Variants in GLT1D1 observed in about 807,000 individuals in gnomAD.
GLT1D1 encodes the protein glycosyltransferase 1 domain-containing protein 1.
GLT1D1 carries 21 observed loss-of-function variants against 28.7 expected under a neutral mutation model. The observed-to-expected ratio is 0.73, with a 90% CI of 0.52 to 1.05. The LOEUF (loss-of-function observed/expected upper bound fraction) is 1.05, where lower values mean the gene tolerates loss of function less well. Ranked by LOEUF, GLT1D1 falls within the 50% of genes least tolerant of loss-of-function variation. The probability of loss-of-function intolerance (pLI) is 0.00; values close to 1 mark genes in which losing one functional copy is unlikely to be tolerated. For synonymous variants in GLT1D1, 147 were observed against 124.8 expected, an observed-to-expected ratio of 1.18 and a Z score of -1.19; for missense variants, 343 against 330.6, an observed-to-expected ratio of 1.04 and a Z score of -0.29.
At chr12:128,955,659 G>C (rs757128288) in intron 6 of GLT1D1, among the ~76,000 whole-genome samples, 2 of 152,072 alleles carry the variant, frequency 1.3e-5, no homozygotes, top group Non-Finnish European at 2.9e-5. Flanking sequence ...AGTTGTCCTT[G>C]AGAACATACT....
In GLT1D1 at chr12:128,944,373, C is replaced by T. The variant is rs138287261; in HGVS notation, c.376-953C>T. 4.4e-5 allele frequency: 43 copies of T among 979,512 alleles called. No homozygotes were observed. In the African/African-American group the frequency reaches 5.2e-4, roughly 12 times the overall value. 60.7% of individuals were successfully genotyped at this position (979,512 alleles called of 1,614,324 possible). ...TGGTTTCTGTTCTGGAGAATGTTTC[C>T]AACACCGCTTTTTTTCTGGTAATAG... is the stretch of plus-strand genomic sequence containing the variant. On this transcript the variant is annotated intron_variant, in intron 4 of 7. Transcript: ENST00000281703.
In GLT1D1 at chr12:128,899,229, T is replaced by G. The variant is rs1869968501; in HGVS notation, c.324-7T>G. ...AATTGTTTCTATTATTTTTGTTCAT[T>G]TACTAGATTTGCTGTCGCTTTCACA... On this transcript the variant is annotated splice_region_variant and splice_polypyrimidine_tract_variant and intron_variant, in intron 3 of 7. Coordinates refer to ENST00000281703, the MANE Select transcript of GLT1D1 (RefSeq NM_144669.3). 2 of 1,608,836 alleles carry G rather than the reference T, an allele frequency of 1.2e-6. No homozygotes were observed. The highest frequency in any genetic ancestry group is 2.7e-5 in the African/African-American group (2 of 74,828).
At chr12:128,858,342 G>A (rs1427570211) in intron 1 of GLT1D1, among the ~76,000 whole-genome samples, 2 of 152,142 alleles carry the variant, frequency 1.3e-5, no homozygotes, top group Non-Finnish European at 2.9e-5. Flanking sequence ...AAATGGCCCT[G>A]CAGAGCCATC....
intron 1 of GLT1D1, among the ~76,000 whole-genome samples, chr12:128,867,140 T>A (rs1956552442): frequency 6.7e-6 from 1 of 148,966 alleles, no homozygotes. Flanking sequence ...ACGCCTGTAA[T>A]CCCAGCACTT....
chr12:128,907,406 C>T lies in GLT1D1; in HGVS notation c.375+8119C>T, dbSNP rs1160072276. 3.3e-5 allele frequency among the ~76,000 whole-genome samples: 5 copies of T among 151,580 alleles called. No individual in the cohort carries two copies. The South Asian group carries it at 1.0e-3, about 32-fold the overall frequency. On this transcript the variant is annotated intron_variant, in intron 4 of 7. Coordinates refer to ENST00000281703, the MANE Select transcript of GLT1D1 (RefSeq NM_144669.3). Reference sequence around the variant, plus strand: ...CTGCAAGCTCTGCCTCCCGGGTTCACGCCATTCTCCTGCCTCAGCCTCCCG... The same window carrying T: ...CTGCAAGCTCTGCCTCCCGGGTTCATGCCATTCTCCTGCCTCAGCCTCCCG...
intron 7 of GLT1D1, among the ~76,000 whole-genome samples, chr12:128,978,902 T>A (rs113582229): frequency 0.017 from 2,608 of 152,118 alleles, 83 homozygotes; most frequent in African/African-American, 0.06. Context: ...CTGGCGGGAG[T>A]GTAGCAGTGA....
Position 128,977,776 on chromosome 12 carries a change from TTTC to T in GLT1D1, c.640-5150_640-5148del, listed in dbSNP as rs1302600530. Among the ~76,000 whole-genome samples the T allele has an allele frequency of 6.9e-3, 142 of 20,522 alleles. 1 individual carries two copies. The highest frequency in any genetic ancestry group is 0.015 in the African/African-American group (96 of 6,304). 13.5% of individuals were successfully genotyped at this position (20,522 alleles called of 152,430 possible). On this transcript the variant is annotated intron_variant, in intron 7 of 7. Coordinates refer to ENST00000281703, the MANE Select transcript of GLT1D1 (RefSeq NM_144669.3). ...TTGTGAGTTCTTTTCTTTTTTCTTTTTTCTTTTTTTTTTTTTTTTGAAACAGAG... is the reference window on the plus strand; with the variant it reads ...TTGTGAGTTCTTTTCTTTTTTCTTTTTTTTTTTTTTTTTTTTGAAACAGAG...
chr12:128,907,418 G>T (rs1394476364), intron 4 of GLT1D1, among the ~76,000 whole-genome samples: 3 of 150,566 alleles, frequency 2.0e-5, no homozygotes, highest in Non-Finnish European at 4.4e-5. Flanking sequence ...CCATTCTCCT[G>T]CCTCAGCCTC....
chr12:128,980,088 T>C (rs1287648117), intron 7 of GLT1D1, among the ~76,000 whole-genome samples: 1 of 152,216 alleles, frequency 6.6e-6, no homozygotes, highest in African/African-American at 2.4e-5. Flanking sequence ...CCTGGCAACA[T>C]AGGGTGTCCC....
At chr12:128,864,379 C>T (rs183259559) in intron 1 of GLT1D1, among the ~76,000 whole-genome samples, 17 of 151,904 alleles carry the variant, frequency 1.1e-4, no homozygotes, top group East Asian at 1.9e-4. Context: ...TTAGGGAAGC[C>T]GAAGAAGAGG....
intron 1 of GLT1D1, among the ~76,000 whole-genome samples, chr12:128,859,440 G>T (rs1161964516): frequency 6.6e-6 from 1 of 152,138 alleles, no homozygotes; most frequent in Non-Finnish European, 1.5e-5. Context: ...TTGCCCCCAG[G>T]GCCGTTGGGC....
Position 128,918,150 on chromosome 12 carries a change from C to A in GLT1D1, c.375+18863C>A, listed in dbSNP as rs111975812. 3.8e-3 allele frequency among the ~76,000 whole-genome samples: 581 copies of A among 152,256 alleles called. 6 individuals are homozygous for A. The highest frequency in any genetic ancestry group is 0.013 in the African/African-American group (541 of 41,532). Reference sequence around the variant, plus strand: ...GCCATAAAAACGAACAAGATCATGTCCTTTGCAGGAACATGGATGAAGCTG... The same window carrying A: ...GCCATAAAAACGAACAAGATCATGTACTTTGCAGGAACATGGATGAAGCTG... On this transcript the variant is annotated intron_variant, in intron 4 of 7. Coordinates refer to ENST00000281703, the MANE Select transcript of GLT1D1 (RefSeq NM_144669.3).
At chr12:128,855,548 A>G (rs1195526410) in intron 1 of GLT1D1, among the ~76,000 whole-genome samples, 1 of 152,126 alleles carries the variant, frequency 6.6e-6, no homozygotes, top group Admixed American at 6.5e-5. Flanking sequence ...CCTGGGTGGC[A>G]GATCAAAACT....
rs11060024 is a variant in GLT1D1, at chr12:128,928,612, G to T, written c.376-16714G>T. On this transcript the variant is annotated intron_variant, in intron 4 of 7. Transcript: ENST00000281703. ...CCAGTGACAGCTCCGCGTGTTTGTGGTTTTTTTTTTTCTTTCTTTCTTTTT... is the reference window on the plus strand; with the variant it reads ...CCAGTGACAGCTCCGCGTGTTTGTGTTTTTTTTTTTTCTTTCTTTCTTTTT... Among the ~76,000 whole-genome samples the T allele has an allele frequency of 4.4e-4, 64 of 143,950 alleles. 1 individual carries two copies. The highest frequency in any genetic ancestry group is 5.6e-4 in the Admixed American group (8 of 14,384). The allele number at this position is 143,950 out of a possible 152,430, so 94.4% of individuals were successfully genotyped here. A position where few individuals can be genotyped will look rare whatever the true frequency, so the allele number is the denominator to read the frequency against.
chr12:128,898,734 A>T (rs1039723862), intron 3 of GLT1D1, among the ~76,000 whole-genome samples: 3 of 152,208 alleles, frequency 2.0e-5, no homozygotes, highest in Admixed American at 2.0e-4. Flanking sequence ...TAATAAATAG[A>T]TTACCTTGTT....
chr12:128,920,744 T>C (rs567596042), intron 4 of GLT1D1, among the ~76,000 whole-genome samples: 1 of 152,288 alleles, frequency 6.6e-6, no homozygotes, highest in African/African-American at 2.4e-5. Context: ...ACAACACATT[T>C]TGTTTTGAAG....
chr12:128,855,383 G>A (rs747482665), intron 1 of GLT1D1, among the ~76,000 whole-genome samples: 53 of 151,504 alleles, frequency 3.5e-4, no homozygotes, highest in Non-Finnish European at 7.1e-4. Flanking sequence ...GCAACATGGT[G>A]AAACCCTCAT....
chr12:128,933,651 G>A (rs1020634062), intron 4 of GLT1D1, among the ~76,000 whole-genome samples: 5 of 152,154 alleles, frequency 3.3e-5, no homozygotes, highest in Non-Finnish European at 7.4e-5. Flanking sequence ...TCCTTGGGGT[G>A]AAATTCTCTC....
chr12:128,864,729 G>A (rs1956473264), intron 1 of GLT1D1, among the ~76,000 whole-genome samples: 1 of 151,754 alleles, frequency 6.6e-6, no homozygotes, highest in South Asian at 2.1e-4. Context: ...GTGGGAAGAG[G>A]AAACAGGGAG....
Sources: gnomAD v4.1 joint callset for allele counts (sites outside exome capture counted in the v4.1 genomes callset) on GRCh38, gnomAD v4.1.1 for gene constraint, MANE v1.5 for transcripts, NCBI Gene and HGNC (gene_info 2026-07-23, HGNC 2026-07-21) for gene names.